The following ABLIM2 variants were observed in gnomAD, a reference collection of about 807,000 sequenced individuals.
ABLIM2 encodes the protein actin-binding LIM protein 2.
ABLIM2 carries 53 observed loss-of-function variants against 97.7 expected under a neutral mutation model. The ratio of observed to expected loss-of-function variants is 0.54; its 90% CI spans 0.44 to 0.68. The LOEUF is 0.68. Ranked by LOEUF, ABLIM2 falls within the 30% of genes least tolerant of loss-of-function variation. The pLI, the probability that ABLIM2 is intolerant of heterozygous loss-of-function variation, is 0.00. For missense variants in ABLIM2, 835 were observed against 867.2 expected (o/e 0.96, Z 0.47); for synonymous variants, 361 against 345.8 (o/e 1.04, Z -0.49).
rs1038582994 is a variant in ABLIM2, at chr4:8,124,690, G to T, written c.11-18053C>A. On this transcript the variant is annotated intron_variant, in intron 1 of 20. Transcript: ENST00000447017. This position sits in a 1 kb window ranked among gnomAD's most constrained non-coding sequence, Gnocchi z 6.1. The stretch of plus-strand genomic sequence containing the variant: ...ACTTTGGGGCTGTGTCTACTTTTTG[G>T]TGATTGTGAATAACACGGCTATGAA... 1.3e-5 allele frequency among the ~76,000 whole-genome samples: 2 copies of T among 152,298 alleles called. No individual in the cohort carries two copies. The highest frequency in any genetic ancestry group is 1.3e-4 in the Admixed American group (2 of 15,300).
At chr4:8,153,133 G>A (rs1168628666) in intron 1 of ABLIM2, among the ~76,000 whole-genome samples, 1 of 152,148 alleles carries the variant, frequency 6.6e-6, no homozygotes, top group Non-Finnish European at 1.5e-5. Context: ...GACAAGACAG[G>A]CCCCTTCATC....
intron 10 of ABLIM2, among the ~76,000 whole-genome samples, chr4:8,035,617 C>T (rs1037419700): frequency 4.6e-5 from 7 of 152,176 alleles, no homozygotes; most frequent in Non-Finnish European, 5.9e-5. Flanking sequence ...GACAGAGCAG[C>T]TCTGAATAAG....
chr4:8,149,780 A>G lies in ABLIM2; in HGVS notation c.10+8900T>C, dbSNP rs1046054778. Reference sequence around the variant, plus strand: ...CTGGACACAGAGAAGGCCCGGACCTAGGCTGAGACTTCCCCAGCACCTCAC... The same window carrying G: ...CTGGACACAGAGAAGGCCCGGACCTGGGCTGAGACTTCCCCAGCACCTCAC... On this transcript the variant is annotated intron_variant, in intron 1 of 20. Transcript: ENST00000447017. This position sits in a 1 kb window ranked among gnomAD's most constrained non-coding sequence, Gnocchi z 6.4. Among the ~76,000 whole-genome samples, 2 of 152,010 alleles carry G rather than the reference A, an allele frequency of 1.3e-5. No homozygotes were observed. The highest frequency in any genetic ancestry group is 1.3e-4 in the Admixed American group (2 of 15,276).
intron 9 of ABLIM2, among the ~76,000 whole-genome samples, chr4:8,038,939 C>T (rs1012683760): frequency 1.3e-5 from 2 of 152,172 alleles, no homozygotes; most frequent in African/African-American, 4.8e-5. Context: ...CTGCTGTTCC[C>T]TCTCTGGGAT....
chr4:8,008,031 C>T (rs1482587639), intron 16 of ABLIM2, 28 bp downstream of exon 16: 16 of 1,612,702 alleles, frequency 9.9e-6, no homozygotes, highest in Middle Eastern at 1.7e-4. Context: ...GTGCACATCA[C>T]GGCTCCTTCT....
At chr4:8,055,889 G>T (rs1798766809) in intron 7 of ABLIM2, among the ~76,000 whole-genome samples, 2 of 152,068 alleles carry the variant, frequency 1.3e-5, no homozygotes, top group African/African-American at 4.8e-5. Flanking sequence ...AAGGTGGGTG[G>T]ATCACTCGAG....
intron 6 of ABLIM2, among the ~76,000 whole-genome samples, chr4:8,065,192 C>T (rs1444242779): frequency 1.3e-5 from 2 of 152,188 alleles, no homozygotes; most frequent in African/African-American, 2.4e-5. Flanking sequence ...CTCTAAGTTA[C>T]AGTGAGCTCT....
At chr4:7,991,885 C>G (rs1283131262) in intron 17 of ABLIM2, among the ~76,000 whole-genome samples, 1 of 152,172 alleles carries the variant, frequency 6.6e-6, no homozygotes, top group African/African-American at 2.4e-5. Context: ...TGTCCTGTGG[C>G]CTTGCCCCTG....
chr4:8,151,373 CA>C, intron 1 of ABLIM2, among the ~76,000 whole-genome samples: 1 of 152,304 alleles, frequency 6.6e-6, no homozygotes, highest in Non-Finnish European at 1.5e-5. Context: ...TCCCAGAATC[CA>C]AAGCCCCCTC....
At chr4:7,973,137 AG>A (rs933929302) in intron 20 of ABLIM2, among the ~76,000 whole-genome samples, 1 of 120,400 alleles carries the variant, frequency 8.3e-6, no homozygotes, top group African/African-American at 3.0e-5. Flanking sequence ...CAAGTAGGAA[AG>A]GAATTCCAGG....
At chr4:8,104,385 G>A (rs1041238152) in intron 2 of ABLIM2, among the ~76,000 whole-genome samples, 7 of 152,370 alleles carry the variant, frequency 4.6e-5, no homozygotes, top group Non-Finnish European at 8.8e-5. Flanking sequence ...GCTTCACGCT[G>A]CCTTTGTCAG....
Position 7,985,358 on chromosome 4 carries a change from G to A in ABLIM2, c.1681-465C>T, listed in dbSNP as rs375656807. On this transcript the variant is annotated intron_variant, in intron 17 of 20. Transcript: ENST00000447017. ...TTCCTGAGCACAGCGCCTAGAACCTGCTGTCCCAGGTGCTCAGGGAGCCCC... is the reference window on the plus strand; with the variant it reads ...TTCCTGAGCACAGCGCCTAGAACCTACTGTCCCAGGTGCTCAGGGAGCCCC... Among the ~76,000 whole-genome samples, 51 of 152,304 alleles carry A rather than the reference G, an allele frequency of 3.3e-4. No homozygotes were observed. The East Asian group carries it at 4.7e-3, about 14-fold the overall frequency.
intron 5 of ABLIM2, among the ~76,000 whole-genome samples, chr4:8,079,365 G>A (rs1450398385): frequency 6.6e-6 from 1 of 152,240 alleles, no homozygotes; most frequent in African/African-American, 2.4e-5. Context: ...CACGGTGTGG[G>A]TGAGCTGCCA....
intron 14 of ABLIM2, among the ~76,000 whole-genome samples, chr4:8,011,117 C>A (rs900393680): frequency 2.0e-5 from 3 of 152,250 alleles, no homozygotes; most frequent in East Asian, 1.9e-4. Context: ...GAAATCCCAG[C>A]CCTTGGAATT....
intron 16 of ABLIM2, chr4:8,007,447 G>A (rs775460437): frequency 1.0e-6 from 1 of 985,558 alleles, no homozygotes; most frequent in African/African-American, 1.7e-5. Context: ...GCTTCTGGGA[G>A]GCACTGAGTG....
At chr4:7,979,282 C>T (rs1009118002) in intron 20 of ABLIM2, among the ~76,000 whole-genome samples, 10 of 152,196 alleles carry the variant, frequency 6.6e-5, no homozygotes, top group African/African-American at 1.9e-4. Context: ...TCTGGGTGCT[C>T]GGCACACCCT....
intron 7 of ABLIM2, among the ~76,000 whole-genome samples, chr4:8,056,310 T>C (rs1441197135): frequency 6.7e-6 from 1 of 148,180 alleles, no homozygotes; most frequent in African/African-American, 2.5e-5. Context: ...TCTTTCTTTT[T>C]TTTTTTTTTT....
Position 8,128,482 on chromosome 4 carries a change from C to T in ABLIM2, c.11-21845G>A, listed in dbSNP as rs982175477. On this transcript the variant is annotated intron_variant, in intron 1 of 20. Coordinates refer to ENST00000447017, the MANE Select transcript of ABLIM2 (RefSeq NM_001130083.2). The surrounding 1 kb of genome is among the most constrained non-coding windows in gnomAD (Gnocchi z 4.9). ...GAAACATGGCTAGCACCACGCAGAACAGAGTTTTAGATTTTATTTAATTTT... is the reference window on the plus strand; with the variant it reads ...GAAACATGGCTAGCACCACGCAGAATAGAGTTTTAGATTTTATTTAATTTT... Among the ~76,000 whole-genome samples the T allele has an allele frequency of 6.6e-5, 10 of 152,210 alleles. No homozygotes were observed. The highest frequency in any genetic ancestry group is 2.2e-4 in the African/African-American group (9 of 41,448).
chr4:8,108,547 G>A (rs188791654), intron 1 of ABLIM2, among the ~76,000 whole-genome samples: 5 of 152,318 alleles, frequency 3.3e-5, no homozygotes, highest in Admixed American at 1.3e-4. Flanking sequence ...ACAATAACTC[G>A]GTCCCACATG....
Sources: gnomAD v4.1 joint callset for allele counts (sites outside exome capture counted in the v4.1 genomes callset) on GRCh38, gnomAD v4.1.1 for gene constraint, Gnocchi (gnomAD v3.1) non-coding constraint, MANE v1.5 for transcripts, NCBI Gene and HGNC (gene_info 2026-07-23, HGNC 2026-07-21) for gene names.